Variants in TRPM3 observed in about 807,000 individuals in gnomAD.
TRPM3 encodes the protein long transient receptor potential channel 3.
A neutral mutation model predicts 181.2 loss-of-function variants in TRPM3; 77 were observed. The ratio of observed to expected loss-of-function variants is 0.42; its 90% CI spans 0.35 to 0.51. TRPM3 has a LOEUF of 0.51. Ranked by LOEUF, TRPM3 falls within the 20% of genes least tolerant of loss-of-function variation. The pLI is 0.01. For synonymous variants in TRPM3, 745 were observed against 796.4 expected, an observed-to-expected ratio of 0.94 and a Z score of 1.09; for missense variants, 1,759 against 2,196.7, an observed-to-expected ratio of 0.80 and a Z score of 3.98.
At chr9:71,396,074 A>T (rs150093675) in intron 1 of TRPM3, among the ~76,000 whole-genome samples, 1 of 152,308 alleles carries the variant, frequency 6.6e-6, no homozygotes, top group East Asian at 1.9e-4. Context: ...TAATTCTATG[A>T]TCAATGGGAA....
intron 1 of TRPM3, among the ~76,000 whole-genome samples, chr9:71,218,224 GT>G (rs1465283875): frequency 6.6e-6 from 1 of 152,132 alleles, no homozygotes; most frequent in African/African-American, 2.4e-5. Context: ...CAGGCATACA[GT>G]TTGTCTGTTT....
chr9:70,842,898 C>A, intron 5 of TRPM3, 105 bp downstream of exon 5: 1 of 1,145,668 alleles, frequency 8.7e-7, no homozygotes, highest in Admixed American at 2.3e-5. Context: ...TGAGTAGAGA[C>A]CCAAAGAATA....
chr9:70,618,790 T>C, intron 17 of TRPM3, 77 bp downstream of exon 17: 10 of 1,255,864 alleles, frequency 8.0e-6, no homozygotes, highest in Non-Finnish European at 1.1e-5. Flanking sequence ...CCCAATTCCA[T>C]GGCAGATTTT....
intron 8 of TRPM3, among the ~76,000 whole-genome samples, chr9:70,752,047 T>TGTGTGC (rs2076267015): frequency 2.0e-5 from 2 of 97,792 alleles, no homozygotes; most frequent in African/African-American, 7.1e-5. Context: ...TGTGTGTGTG[T>TGTGTGC]GTGCGCGCGC....
intron 6 of TRPM3, among the ~76,000 whole-genome samples, chr9:70,823,153 TAC>T (rs2093320329): frequency 6.6e-6 from 1 of 151,822 alleles, no homozygotes; most frequent in Admixed American, 6.6e-5. Context: ...CACACACACA[TAC>T]ACACACACGC....
rs1428118808 is a variant in TRPM3, at chr9:70,923,933, TATACATATATATATAC to T, written c.178-59438_178-59423del. Among the ~76,000 whole-genome samples, 76 of 135,706 alleles carry T rather than the reference TATACATATATATATAC, an allele frequency of 5.6e-4. 2 individuals carry two copies. In the East Asian group the frequency reaches 0.017, roughly 31 times the overall value. The allele number at this position is 135,706 out of a possible 152,430, so 89.0% of individuals were successfully genotyped here. ...ACATATATACATATATACACACATA[TATACATATATATATAC>T]ACACACACACATATATATATACACA... On this transcript the variant is annotated intron_variant, in intron 1 of 25. Transcript: ENST00000677713.
At chr9:70,684,605 T>C (rs1027868000) in intron 8 of TRPM3, among the ~76,000 whole-genome samples, 2 of 152,012 alleles carry the variant, frequency 1.3e-5, no homozygotes, top group East Asian at 1.9e-4. Flanking sequence ...AAAAAAAAAG[T>C]CAAAGAAAAA....
chr9:70,696,851 G>A (rs1479533890), intron 8 of TRPM3, among the ~76,000 whole-genome samples: 2 of 152,140 alleles, frequency 1.3e-5, no homozygotes, highest in Non-Finnish European at 1.5e-5. Context: ...CTGCCTGTAA[G>A]TCTACCTGCC....
intron 19 of TRPM3, among the ~76,000 whole-genome samples, chr9:70,606,651 G>GTGTGTGTGTGTATA (rs145779027): frequency 2.1e-5 from 3 of 140,682 alleles, no homozygotes; most frequent in Admixed American, 7.4e-5. Flanking sequence ...GTGTGTGTGT[G>GTGTGTGTGTGTATA]TATATATATA....
intron 9 of TRPM3, among the ~76,000 whole-genome samples, chr9:70,674,162 A>T (rs1487454975): frequency 6.6e-6 from 1 of 152,110 alleles, no homozygotes; most frequent in Non-Finnish European, 1.5e-5. Flanking sequence ...AATTAGAAAT[A>T]TTTTTTATTA....
At chr9:70,903,625 A>T (rs1264991258) in intron 1 of TRPM3, among the ~76,000 whole-genome samples, 1 of 152,212 alleles carries the variant, frequency 6.6e-6, no homozygotes, top group East Asian at 1.9e-4. Context: ...ATCAAAAGGA[A>T]ATGTAAAAGC....
chr9:70,901,174 A>C (rs1254869824), intron 1 of TRPM3, among the ~76,000 whole-genome samples: 1 of 152,214 alleles, frequency 6.6e-6, no homozygotes. Context: ...GTAAAAATGC[A>C]TACAGTAATG....
At chr9:70,804,919 T>A (rs897711949) in intron 6 of TRPM3, among the ~76,000 whole-genome samples, 4 of 152,196 alleles carry the variant, frequency 2.6e-5, no homozygotes, top group Non-Finnish European at 2.9e-5. Flanking sequence ...TGACAGGGAC[T>A]GCTGTGAAGT....
chr9:70,749,168 A>T (rs565652904), intron 8 of TRPM3, among the ~76,000 whole-genome samples: 1 of 152,314 alleles, frequency 6.6e-6, no homozygotes, highest in South Asian at 2.1e-4. Flanking sequence ...TATGGGCATG[A>T]GCCACTGTGT....
chr9:70,932,286 C>G (rs1032240673), intron 1 of TRPM3, among the ~76,000 whole-genome samples: 3 of 151,964 alleles, frequency 2.0e-5, no homozygotes, highest in Non-Finnish European at 2.9e-5. Context: ...GGAAGAGGGC[C>G]TTCGTAAACA....
intron 6 of TRPM3, among the ~76,000 whole-genome samples, chr9:70,813,922 T>A (rs1442948380): frequency 6.6e-6 from 1 of 152,256 alleles, no homozygotes; most frequent in Non-Finnish European, 1.5e-5. Context: ...CAACACTAGT[T>A]GTTATTAACT....
chr9:70,784,867 A>AT lies in TRPM3; in HGVS notation c.974-589dup, dbSNP rs565719928. On this transcript the variant is annotated intron_variant, in intron 6 of 25. Transcript: ENST00000677713. ...CCATAGATGATCAGACTGATTATTAATTTTTTGTTTTTGAGATGGAGTCTC... is the reference window on the plus strand; with the variant it reads ...CCATAGATGATCAGACTGATTATTAATTTTTTTGTTTTTGAGATGGAGTCTC... 8.7e-4 allele frequency among the ~76,000 whole-genome samples: 133 copies of AT among 152,134 alleles called. 2 individuals carry two copies. In the South Asian group the frequency reaches 0.026, roughly 30 times the overall value.
At chr9:71,390,162 CAGATAGATA>C (rs2093029021) in intron 1 of TRPM3, among the ~76,000 whole-genome samples, 1 of 151,814 alleles carries the variant, frequency 6.6e-6, no homozygotes, top group South Asian at 2.1e-4. Context: ...TGGACATCCA[CAGATAGATA>C]AATATGCACG....
At position 70,535,979 on chromosome 9, in the gene TRPM3, G is replaced by C. The variant is rs1176345932; in HGVS notation, c.5134C>G (p.Gln1712Glu). 1 of 1,604,490 alleles carries C rather than the reference G, an allele frequency of 6.2e-7. No individual in the cohort carries two copies. The highest frequency in any genetic ancestry group is 8.5e-7 in the Non-Finnish European group (1 of 1,175,884). ...MRRLSRTSAF[Q>E]SFESKHN ...TAGTTGTGCTTGCTTTCAAAGCTTTGGAAAGCCGATGTTCTGGACAGTCTC... is the reference window on the plus strand; with the variant it reads ...TAGTTGTGCTTGCTTTCAAAGCTTTCGAAAGCCGATGTTCTGGACAGTCTC... The change falls in exon 26 of 26, where the codon CAA becomes GAA. Residue 1712 changes from glutamine to glutamate, a missense_variant. Coordinates refer to ENST00000677713, the MANE Select transcript of TRPM3 (RefSeq NM_001366145.2).
Sources: gnomAD v4.1 joint callset for allele counts (sites outside exome capture counted in the v4.1 genomes callset) on GRCh38, gnomAD v4.1.1 for gene constraint, MANE v1.5 for transcripts, NCBI Gene and HGNC (gene_info 2026-07-23, HGNC 2026-07-21) for gene names.